The following NHSL1 variants were observed in gnomAD, a reference collection of about 807,000 sequenced individuals.
NHSL1 encodes NHS like 1.
In NHSL1, 48 loss-of-function variants were observed where a neutral mutation model predicts 95.0. That is an observed-to-expected ratio of 0.51 (90% CI 0.40 to 0.64). The LOEUF (loss-of-function observed/expected upper bound fraction) is 0.64. Ranked by LOEUF, NHSL1 falls within the 30% of genes least tolerant of loss-of-function variation. The pLI is 0.00. For synonymous variants in NHSL1, 783 were observed against 833.9 expected, an observed-to-expected ratio of 0.94 and a Z score of 1.05; for missense variants, 1,971 against 2,077.7, an observed-to-expected ratio of 0.95 and a Z score of 1.00.
At chr6:138,457,034 C>G (rs1562289687) in intron 3 of NHSL1, among the ~76,000 whole-genome samples, 1 of 152,162 alleles carries the variant, frequency 6.6e-6, no homozygotes, top group South Asian at 2.1e-4. Flanking sequence ...GTGCATGCCA[C>G]CACGCCTGGC....
intron 1 of NHSL1, among the ~76,000 whole-genome samples, chr6:138,618,220 C>A (rs989360849): frequency 1.3e-5 from 2 of 152,058 alleles, no homozygotes; most frequent in Non-Finnish European, 2.9e-5. Context: ...CATCAGCTAC[C>A]CAAGGAGATT....
Position 138,682,415 on chromosome 6 carries a change from A to G in NHSL1, c.96+10061T>C, listed in dbSNP as rs541649924. Among the ~76,000 whole-genome samples the G allele has an allele frequency of 7.6e-4, 116 of 152,208 alleles. 2 individuals are homozygous for G. Among genetic ancestry groups the G allele is most frequent in the Middle Eastern group, 3.2e-3 (1 of 316 alleles). On this transcript the variant is annotated intron_variant, in intron 1 of 3. Coordinates refer to the NHSL1 transcript ENST00000491526. ...GCCATCATCCCAGAAACTTACATTC[A>G]GCTTTTCTAAGTTTGATGTAGTCTC... is the stretch of plus-strand genomic sequence containing the variant.
intron 1 of NHSL1, among the ~76,000 whole-genome samples, chr6:138,649,740 C>T (rs1785064122): frequency 1.3e-5 from 2 of 152,204 alleles, no homozygotes; most frequent in South Asian, 4.1e-4. Context: ...CATTTGCCTA[C>T]CAGCATAGGC....
At chr6:138,621,886 C>G (rs1262996542) in intron 1 of NHSL1, among the ~76,000 whole-genome samples, 1 of 152,222 alleles carries the variant, frequency 6.6e-6, no homozygotes, top group Non-Finnish European at 1.5e-5. Context: ...GGAGGCAGCA[C>G]TAGGTCCAGA....
Position 138,432,550 on chromosome 6 carries a change from G to A in NHSL1, c.1795C>T (p.Leu599=). 6.4e-7 allele frequency: 1 copy of A among 1,552,064 alleles called. No individual in the cohort carries two copies. Among genetic ancestry groups the A allele is most frequent in the Non-Finnish European group, 8.7e-7 (1 of 1,147,038 alleles). The change falls in exon 6 of 8, where the codon CTG becomes TTG. Residue 599 remains leucine (L), a synonymous_variant. Transcript: ENST00000343505. This position sits in a 1 kb window ranked among gnomAD's most constrained non-coding sequence, Gnocchi z 4.4. ...QTSNKEDAGS[L]YSEDHDGYCA... ...TAGCCATCGTGGTCCTCAGAATACA[G>A]CGACCCAGCATCCTCTTTGTTGGAC...
At chr6:138,459,801 C>G (rs932303763) in intron 3 of NHSL1, among the ~76,000 whole-genome samples, 1 of 152,140 alleles carries the variant, frequency 6.6e-6, no homozygotes, top group Non-Finnish European at 1.5e-5. Context: ...TCAATATCTA[C>G]AGTTTTGACT....
intron 1 of NHSL1, among the ~76,000 whole-genome samples, chr6:138,670,558 T>G (rs1025064929): frequency 7.0e-6 from 1 of 142,296 alleles, no homozygotes. Context: ...CCCAGCTACT[T>G]GGGAGGCTGA....
chr6:138,434,586 G>GA (rs1046134162), intron 5 of NHSL1, among the ~76,000 whole-genome samples: 26 of 148,484 alleles, frequency 1.8e-4, no homozygotes, highest in African/African-American at 4.5e-4. Flanking sequence ...AGTGTACTGA[G>GA]AAAAAAAAAA....
chr6:138,539,236 C>T (rs1782483754), intron 1 of NHSL1, among the ~76,000 whole-genome samples: 1 of 152,226 alleles, frequency 6.6e-6, no homozygotes, highest in South Asian at 2.1e-4. Context: ...GACTACCCAT[C>T]TTCCACCCCG....
chr6:138,668,748 C>T (rs1785327638), intron 1 of NHSL1, among the ~76,000 whole-genome samples: 2 of 151,532 alleles, frequency 1.3e-5, no homozygotes, highest in African/African-American at 2.4e-5. Flanking sequence ...CTCAGTCTCC[C>T]GCGTAGCTGG....
intron 3 of NHSL1, among the ~76,000 whole-genome samples, chr6:138,460,649 TG>T (rs1285125486): frequency 6.6e-6 from 1 of 151,988 alleles, no homozygotes; most frequent in Non-Finnish European, 1.5e-5. Flanking sequence ...TCCATAGATT[TG>T]GGTATTTGTG....
intron 1 of NHSL1, among the ~76,000 whole-genome samples, chr6:138,678,425 G>A (rs1785474443): frequency 6.6e-6 from 1 of 152,126 alleles, no homozygotes; most frequent in Admixed American, 6.5e-5. Context: ...TGTCACATGG[G>A]ACATTAATTC....
chr6:138,594,183 C>G, intron 1 of NHSL1, among the ~76,000 whole-genome samples: 1 of 152,092 alleles, frequency 6.6e-6, no homozygotes, highest in East Asian at 1.9e-4. Flanking sequence ...TACACTGATT[C>G]AGCAGCTTCT....
At chr6:138,479,748 C>T (rs1779304762) in intron 2 of NHSL1, among the ~76,000 whole-genome samples, 1 of 152,162 alleles carries the variant, frequency 6.6e-6, no homozygotes, top group Non-Finnish European at 1.5e-5. Context: ...ATGCAAGGTG[C>T]TTTGTGATGC....
At chr6:138,469,491 A>G (rs768115298) in intron 3 of NHSL1, among the ~76,000 whole-genome samples, 6 of 152,194 alleles carry the variant, frequency 3.9e-5, no homozygotes, top group Non-Finnish European at 8.8e-5. Context: ...TGGGAGGCCA[A>G]AGCAGGCAGA....
chr6:138,468,490 A>G (rs988275662), intron 3 of NHSL1, among the ~76,000 whole-genome samples: 2 of 152,190 alleles, frequency 1.3e-5, no homozygotes, highest in Non-Finnish European at 2.9e-5. Context: ...CTGTCAGATC[A>G]GCGGCAGCAT....
intron 1 of NHSL1, among the ~76,000 whole-genome samples, chr6:138,654,850 A>G (rs1243670173): frequency 3.9e-5 from 6 of 152,244 alleles, no homozygotes; most frequent in African/African-American, 1.4e-4. Context: ...CAATACATAC[A>G]GTATGATTCT....
intron 5 of NHSL1, chr6:138,435,353 A>G (rs1776005766): frequency 6.5e-6 from 1 of 152,886 alleles, no homozygotes; most frequent in African/African-American, 2.4e-5. Context: ...AGTTAGTGGT[A>G]GATTTTTAAC....
At position 138,499,256 on chromosome 6, in the gene NHSL1, A is replaced by G. The variant is rs1780542505; in HGVS notation, c.35T>C (p.Leu12Ser). ...ACTTTTCTTCTTAAAAAGTTTAATT[A>G]AAGACTTAATCTTTGCATTAATGAA... ...VVFINAKIKS[L>S]IKLFKKKTVS... The change falls in exon 1 of 8, where the codon TTA becomes TCA. Residue 12 changes from leucine (L) to serine (S), a missense_variant. Physicochemically the swap from Leu to Ser is moderately radical, Grantham distance 145 (BLOSUM62 -2). Around this residue, in one of 3 missense-constraint regions of NHSL1, gnomAD observed 1,602 missense variants for 1,654.5 expected, o/e 0.97. Transcript: ENST00000343505. The G allele has an allele frequency of 6.5e-7, 1 of 1,550,124 alleles. No individual in the cohort carries two copies. The highest frequency in any genetic ancestry group is 1.4e-5 in the African/African-American group (1 of 73,110).
Sources: allele counts gnomAD v4.1 joint callset (sites outside exome capture counted in the v4.1 genomes callset), GRCh38; gene constraint gnomAD v4.1.1; regional missense constraint gnomAD v4.1.1; non-coding constraint Gnocchi (gnomAD v3.1); transcripts MANE v1.5; gene names NCBI Gene and HGNC (gene_info 2026-07-23, HGNC 2026-07-21).